Variants in ERBB4 observed in about 807,000 individuals in gnomAD.
ERBB4 encodes the protein receptor tyrosine-protein kinase erbB-4.
In ERBB4, 42 loss-of-function variants were observed where a neutral mutation model predicts 158.0. The ratio of observed to expected loss-of-function variants is 0.27; its 90% CI spans 0.21 to 0.34. The LOEUF (loss-of-function observed/expected upper bound fraction) is 0.34, where lower values mean the gene tolerates loss of function less well. Among genes scored for constraint, ERBB4 ranks in the 10% least tolerant of loss-of-function variants. The pLI, the probability that ERBB4 is intolerant of heterozygous loss-of-function variation, is 1.00. For synonymous variants in ERBB4, 583 were observed against 558.7 expected (o/e 1.04, Z -0.61); for missense variants, 1,333 against 1,624.1 (o/e 0.82, Z 3.08).
intron 20 of ERBB4, among the ~76,000 whole-genome samples, chr2:211,488,285 T>C (rs2065257173): frequency 1.3e-5 from 2 of 152,170 alleles, no homozygotes; most frequent in African/African-American, 4.8e-5. Context: ...TCCCCAGCCT[T>C]CAAGCTGTTC....
intron 3 of ERBB4, among the ~76,000 whole-genome samples, chr2:211,855,953 A>C (rs959179791): frequency 2.0e-5 from 3 of 152,234 alleles, no homozygotes; most frequent in African/African-American, 7.2e-5. Context: ...TAAAATTAAT[A>C]GGTGAATTTA....
intron 20 of ERBB4, among the ~76,000 whole-genome samples, chr2:211,510,623 G>A (rs10932379): frequency 0.47 from 71,671 of 151,748 alleles, 17,844 homozygotes; most frequent in Non-Finnish European, 0.56. Flanking sequence ...TTTCAGATGT[G>A]ATTATCTTGA....
chr2:211,679,256 G>A (rs1446876709), intron 12 of ERBB4, 72 bp from the exon 13 acceptor site: 3 of 1,546,546 alleles, frequency 1.9e-6, no homozygotes, highest in Admixed American at 3.4e-5. Context: ...CCTAGGTAAT[G>A]CTATTTCTAA....
At chr2:211,545,734 T>TAG (rs1403397545) in intron 20 of ERBB4, among the ~76,000 whole-genome samples, 1 of 152,028 alleles carries the variant, frequency 6.6e-6, no homozygotes, top group East Asian at 1.9e-4. Context: ...CTAGTTCCAG[T>TAG]TCTTGCCAGG....
At chr2:211,622,744 T>C (rs1009069028) in intron 18 of ERBB4, among the ~76,000 whole-genome samples, 1 of 150,876 alleles carries the variant, frequency 6.6e-6, no homozygotes, top group Non-Finnish European at 1.5e-5. Context: ...GGCGGGTAGA[T>C]CACTTGTCAG....
intron 1 of ERBB4, among the ~76,000 whole-genome samples, chr2:212,268,293 C>CA (rs2085222710): frequency 6.6e-6 from 1 of 151,694 alleles, no homozygotes; most frequent in Non-Finnish European, 1.5e-5. Context: ...ATAGAAATGA[C>CA]AGATTTTAAG....
intron 20 of ERBB4, among the ~76,000 whole-genome samples, chr2:211,504,663 G>A (rs1259872296): frequency 6.6e-6 from 1 of 152,016 alleles, no homozygotes; most frequent in Non-Finnish European, 1.5e-5. Context: ...GGATTGCAAG[G>A]AAGACCAATG....
chr2:212,122,198 C>G (rs1225613142), intron 2 of ERBB4, among the ~76,000 whole-genome samples: 1 of 151,688 alleles, frequency 6.6e-6, no homozygotes, highest in Non-Finnish European at 1.5e-5. Flanking sequence ...TATACGTATA[C>G]AGTACTTATA....
At position 211,571,038 on chromosome 2, in the gene ERBB4, C is replaced by CCTCTTTTTTTTTTT. The variant is rs1437512949; in HGVS notation, c.2302-8951_2302-8950insAAAAAAAAAAAGAG. ...GATTTTTCACTCTCTGAGTACTCTT[C>CCTCTTTTTTTTTTT]TTCTTTTTTTTTTTTTTTTTTTTGA... On this transcript the variant is annotated intron_variant, in intron 19 of 27. Transcript: ENST00000342788. Among the ~76,000 whole-genome samples the CCTCTTTTTTTTTTT allele has an allele frequency of 7.2e-4, 42 of 58,740 alleles. 1 individual carries two copies. Among genetic ancestry groups the CCTCTTTTTTTTTTT allele is most frequent in the African/African-American group, 3.1e-3 (41 of 13,172 alleles). 38.5% of individuals were successfully genotyped at this position (58,740 alleles called of 152,430 possible). A position where few individuals can be genotyped will look rare whatever the true frequency, so the allele number is the denominator to read the frequency against.
intron 1 of ERBB4, among the ~76,000 whole-genome samples, chr2:212,324,033 T>C (rs903963846): frequency 4.0e-5 from 6 of 150,330 alleles, no homozygotes; most frequent in Non-Finnish European, 8.9e-5. Flanking sequence ...TTCCAGAATA[T>C]CGTAAGTCAA....
chr2:211,805,165 C>T (rs574014514), intron 3 of ERBB4, among the ~76,000 whole-genome samples: 5 of 152,242 alleles, frequency 3.3e-5, no homozygotes, highest in East Asian at 1.9e-4. Flanking sequence ...GTGACCCATC[C>T]GCCTGTGCCT....
At chr2:211,612,403 GATAA>G (rs1427257613) in intron 19 of ERBB4, among the ~76,000 whole-genome samples, 1 of 151,686 alleles carries the variant, frequency 6.6e-6, no homozygotes, top group Non-Finnish European at 1.5e-5. Context: ...TAAAAACTAA[GATAA>G]ATAATATTAA....
intron 2 of ERBB4, among the ~76,000 whole-genome samples, chr2:212,007,196 C>T (rs557327345): frequency 2.6e-5 from 4 of 151,944 alleles, no homozygotes; most frequent in African/African-American, 9.6e-5. Context: ...TGGGGTGGAA[C>T]TGATGATAAA....
intron 2 of ERBB4, among the ~76,000 whole-genome samples, chr2:212,076,448 C>T (rs978955221): frequency 2.0e-5 from 3 of 151,770 alleles, no homozygotes; most frequent in African/African-American, 4.8e-5. Context: ...CTATTTTAAG[C>T]AATAACTAAA....
chr2:212,269,033 T>A (rs771950925), intron 1 of ERBB4, among the ~76,000 whole-genome samples: 7 of 151,570 alleles, frequency 4.6e-5, no homozygotes, highest in Non-Finnish European at 7.4e-5. Flanking sequence ...AGAAAAAAAA[T>A]GTAGTTTTAA....
chr2:211,441,803 C>T (rs1490161001), intron 20 of ERBB4, among the ~76,000 whole-genome samples: 1 of 152,092 alleles, frequency 6.6e-6, no homozygotes, highest in Non-Finnish European at 1.5e-5. Context: ...CTTATTTTGT[C>T]CTCAGCTGTA....
chr2:212,232,205 T>G (rs2083689639), intron 1 of ERBB4, among the ~76,000 whole-genome samples: 1 of 152,210 alleles, frequency 6.6e-6, no homozygotes, highest in South Asian at 2.1e-4. Context: ...TGTTTTTATA[T>G]GTTATAAAGA....
intron 3 of ERBB4, among the ~76,000 whole-genome samples, chr2:211,840,928 TA>T (rs1294226625): frequency 6.6e-6 from 1 of 152,074 alleles, no homozygotes; most frequent in African/African-American, 2.4e-5. Flanking sequence ...TTAGACTAAG[TA>T]AAACATTTTA....
chr2:211,546,065 C>T (rs186235880), intron 20 of ERBB4, among the ~76,000 whole-genome samples: 5 of 151,986 alleles, frequency 3.3e-5, no homozygotes, highest in Admixed American at 2.0e-4. Flanking sequence ...CATCATGAAC[C>T]GTTGCCAAAA....
Sources: allele counts gnomAD v4.1 joint callset (sites outside exome capture counted in the v4.1 genomes callset), GRCh38; gene constraint gnomAD v4.1.1; transcripts MANE v1.5; gene names NCBI Gene and HGNC (gene_info 2026-07-23, HGNC 2026-07-21).